The following TMEM131 variants were observed in gnomAD, a reference collection of about 807,000 sequenced individuals.
TMEM131 encodes transmembrane protein 131, also known as 2610524E03Rik.
A neutral mutation model predicts 211.6 loss-of-function variants in TMEM131; 66 were observed. The observed-to-expected ratio is 0.31, with a 90% confidence interval of 0.26 to 0.38. TMEM131 has a LOEUF of 0.38. TMEM131 is among the 10% of genes least tolerant of loss of function. TMEM131 has a pLI of 1.00. For synonymous variants in TMEM131, 844 were observed against 841.3 expected (o/e 1.00, Z -0.06); for missense variants, 2,036 against 2,299.3 (o/e 0.89, Z 2.34).
At chr2:97,866,520 T>C (rs989032394) in intron 4 of TMEM131, among the ~76,000 whole-genome samples, 7 of 152,248 alleles carry the variant, frequency 4.6e-5, no homozygotes, top group Admixed American at 3.3e-4. Context: ...TTTTCTATTC[T>C]GTATTTTATT....
chr2:97,913,036 G>C (rs1247511554), intron 2 of TMEM131: 1 of 152,224 alleles, frequency 6.6e-6, no homozygotes, highest in Admixed American at 6.5e-5. Flanking sequence ...ATTTGGCAAC[G>C]TCCAGAAGCA....
chr2:97,849,583 T>C (rs755239348), intron 5 of TMEM131, among the ~76,000 whole-genome samples: 26 of 152,140 alleles, frequency 1.7e-4, no homozygotes, highest in Non-Finnish European at 3.4e-4. Context: ...AACTCAGAAC[T>C]ATACACTAAA....
chr2:97,867,617 G>A (rs1258072522), intron 4 of TMEM131, among the ~76,000 whole-genome samples: 1 of 152,132 alleles, frequency 6.6e-6, no homozygotes, highest in Non-Finnish European at 1.5e-5. Context: ...AGCAAGATTG[G>A]GTTCCCCAGG....
chr2:97,971,321 A>G (rs1679284561), intron 1 of TMEM131, among the ~76,000 whole-genome samples: 1 of 152,222 alleles, frequency 6.6e-6, no homozygotes, highest in African/African-American at 2.4e-5. Flanking sequence ...GTTCCACGTG[A>G]CAAAAGCAAC....
intron 11 of TMEM131, among the ~76,000 whole-genome samples, chr2:97,826,655 G>C (rs62154547): frequency 6.6e-6 from 1 of 151,602 alleles, no homozygotes; most frequent in Non-Finnish European, 1.5e-5. Context: ...AGACAAAGAG[G>C]AAGTCAGAAA....
At chr2:97,842,083 A>C in intron 6 of TMEM131, 146 bp from the exon 7 acceptor site, 3 of 759,206 alleles carry the variant, frequency 4.0e-6, no homozygotes, top group Non-Finnish European at 3.7e-6. Context: ...ACCCCCACAA[A>C]TGTTGTTTCT....
chr2:97,759,119 G>T, intron 39 of TMEM131, 66 bp from the exon 40 acceptor site: 1 of 1,590,014 alleles, frequency 6.3e-7, no homozygotes, highest in Non-Finnish European at 8.6e-7. Context: ...AGCATATGGG[G>T]CTTCACTCAA....
chr2:97,936,082 G>C (rs1382524749), intron 1 of TMEM131, among the ~76,000 whole-genome samples: 2 of 152,100 alleles, frequency 1.3e-5, no homozygotes, highest in Non-Finnish European at 2.9e-5. Flanking sequence ...CACCTGGAAG[G>C]CTACTTTTAT....
At chr2:97,989,600 T>C (rs1680174987) in intron 1 of TMEM131, among the ~76,000 whole-genome samples, 1 of 152,198 alleles carries the variant, frequency 6.6e-6, no homozygotes, top group Non-Finnish European at 1.5e-5. Flanking sequence ...AATGGTTAAG[T>C]ATTTTGTTAT....
At chr2:97,930,215 T>C (rs768455958) in intron 1 of TMEM131, among the ~76,000 whole-genome samples, 18 of 151,824 alleles carry the variant, frequency 1.2e-4, no homozygotes, top group Admixed American at 2.0e-4. Context: ...TTATGTCTAA[T>C]TGGCAGAGGA....
At chr2:97,786,394 C>T (rs1186243720) in intron 31 of TMEM131, among the ~76,000 whole-genome samples, 1 of 151,966 alleles carries the variant, frequency 6.6e-6, no homozygotes, top group African/African-American at 2.4e-5. Flanking sequence ...AAAAATTAGG[C>T]ATGGTGGTGC....
chr2:97,769,767 G>A (rs1679378356), intron 33 of TMEM131, among the ~76,000 whole-genome samples: 1 of 152,256 alleles, frequency 6.6e-6, no homozygotes, highest in Admixed American at 6.5e-5. Flanking sequence ...GAAACCTTCA[G>A]TGCCTGAGAT....
At chr2:97,769,811 C>T (rs1020445620) in intron 33 of TMEM131, among the ~76,000 whole-genome samples, 2 of 152,232 alleles carry the variant, frequency 1.3e-5, no homozygotes, top group Non-Finnish European at 2.9e-5. Flanking sequence ...CTGCCATAGA[C>T]TACAGTTTTC....
intron 39 of TMEM131, 115 bp downstream of exon 39, chr2:97,759,535 TGC>T (rs1678702994): frequency 2.3e-6 from 2 of 860,860 alleles, no homozygotes; most frequent in Admixed American, 4.7e-5. Flanking sequence ...GGGAGCTTCC[TGC>T]GGGGCCTCTT....
intron 2 of TMEM131, among the ~76,000 whole-genome samples, chr2:97,909,577 A>G (rs1011372080): frequency 1.3e-5 from 2 of 152,242 alleles, no homozygotes; most frequent in Non-Finnish European, 2.9e-5. Flanking sequence ...GAATACCATC[A>G]GTGAACTTAT....
At chr2:97,842,078 C>T (rs1283832324) in intron 6 of TMEM131, 141 bp from the exon 7 acceptor site, 3 of 813,268 alleles carry the variant, frequency 3.7e-6, no homozygotes, top group Non-Finnish European at 5.2e-6. Flanking sequence ...AAAAAACCCC[C>T]ACAAATGTTG....
intron 1 of TMEM131, among the ~76,000 whole-genome samples, chr2:97,993,634 GATAT>G (rs1680355904): frequency 6.6e-6 from 1 of 152,134 alleles, no homozygotes; most frequent in African/African-American, 2.4e-5. Context: ...GGCCACAAAG[GATAT>G]CTGATTCACC....
chr2:97,874,220 T>A (rs920901122), intron 4 of TMEM131, among the ~76,000 whole-genome samples: 3 of 152,142 alleles, frequency 2.0e-5, no homozygotes, highest in Admixed American at 1.3e-4. Flanking sequence ...AATATGGGAC[T>A]ATGTGAAAAG....
intron 4 of TMEM131, among the ~76,000 whole-genome samples, chr2:97,878,046 G>C (rs1261887112): frequency 6.6e-6 from 1 of 152,152 alleles, no homozygotes; most frequent in Non-Finnish European, 1.5e-5. Context: ...GCAAAGGATA[G>C]GAACAGACAC....
Sources: allele counts gnomAD v4.1 joint callset (sites outside exome capture counted in the v4.1 genomes callset), GRCh38; gene constraint gnomAD v4.1.1; transcripts MANE v1.5; gene names NCBI Gene and HGNC (gene_info 2026-07-23, HGNC 2026-07-21).